Variants in NLGN1 observed in about 807,000 individuals in gnomAD.
NLGN1 encodes the protein neuroligin 1, also known as neuroligin-1.
NLGN1 carries 12 observed loss-of-function variants against 65.5 expected under a neutral mutation model. That is an observed-to-expected ratio of 0.18 (90% CI 0.12 to 0.30). NLGN1 has a LOEUF of 0.30. Ranked by LOEUF, NLGN1 falls within the 10% of genes least tolerant of loss-of-function variation. The pLI is 1.00. For missense variants in NLGN1, 750 were observed against 1,007.1 expected (o/e 0.74, Z 3.46); for synonymous variants, 350 against 359.5 (o/e 0.97, Z 0.30).
chr3:174,257,083 A>C (rs987167031), intron 4 of NLGN1, among the ~76,000 whole-genome samples: 1 of 152,200 alleles, frequency 6.6e-6, no homozygotes, highest in South Asian at 2.1e-4. Flanking sequence ...ACCTCATTAA[A>C]AAGTAGGCAA....
At chr3:174,054,020 T>C (rs980742695) in intron 4 of NLGN1, among the ~76,000 whole-genome samples, 4 of 151,980 alleles carry the variant, frequency 2.6e-5, no homozygotes, top group African/African-American at 9.7e-5. Context: ...ACTTAAGTAG[T>C]CTTGGAAAAA....
At chr3:173,665,087 G>C (rs1560128617) in intron 3 of NLGN1, among the ~76,000 whole-genome samples, 1 of 152,078 alleles carries the variant, frequency 6.6e-6, no homozygotes, top group Non-Finnish European at 1.5e-5. Flanking sequence ...GTCAAAAAAA[G>C]GTGGTTGATA....
rs748603259 is a variant in NLGN1, at chr3:174,275,544, C to T, written c.859+17C>T. The T allele has an allele frequency of 3.8e-6, 6 of 1,579,136 alleles. No individual in the cohort carries two copies. Among genetic ancestry groups the T allele is most frequent in the Non-Finnish European group, 5.2e-6 (6 of 1,150,466 alleles). Reference sequence around the variant, plus strand: ...CAACCAAAGGTATTATGCAAGGTTGCAAATTTTGACAATTTTGGTGTCTGC... The same window carrying T: ...CAACCAAAGGTATTATGCAAGGTTGTAAATTTTGACAATTTTGGTGTCTGC... On this transcript the variant is annotated intron_variant, in intron 5 of 6. Transcript: ENST00000457714.
intron 3 of NLGN1, among the ~76,000 whole-genome samples, chr3:173,671,294 G>A (rs369327482): frequency 1.3e-5 from 2 of 152,094 alleles, no homozygotes; most frequent in African/African-American, 2.4e-5. Context: ...GAGCCCAGGA[G>A]TTCGAGACCA....
chr3:173,621,846 T>C (rs1754041013), intron 3 of NLGN1, among the ~76,000 whole-genome samples: 1 of 152,072 alleles, frequency 6.6e-6, no homozygotes, highest in Admixed American at 6.6e-5. Flanking sequence ...TGAGGATAGA[T>C]TAGCTTGTGA....
chr3:174,127,353 T>C (rs997642861), intron 4 of NLGN1, among the ~76,000 whole-genome samples: 14 of 152,168 alleles, frequency 9.2e-5, no homozygotes, highest in African/African-American at 2.9e-4. Context: ...ATTTAAGCAT[T>C]GTAAGGACAT....
chr3:173,817,428 G>A (rs556212791), intron 4 of NLGN1, among the ~76,000 whole-genome samples: 2 of 152,338 alleles, frequency 1.3e-5, no homozygotes, highest in South Asian at 2.1e-4. Context: ...CTAATACCTC[G>A]TTAAAGTGAG....
intron 3 of NLGN1, among the ~76,000 whole-genome samples, chr3:173,649,204 AGAAAGAATATGAGTGGTTG>A (rs1758750923): frequency 6.6e-6 from 1 of 152,178 alleles, no homozygotes; most frequent in African/African-American, 2.4e-5. Context: ...CTATAGTAAC[AGAAAGAATATGAGTGGTTG>A]CTGGATGGGA....
chr3:173,521,865 A>G (rs1734812692), intron 2 of NLGN1, among the ~76,000 whole-genome samples: 3 of 152,192 alleles, frequency 2.0e-5, no homozygotes, highest in Admixed American at 1.3e-4. Flanking sequence ...TAAAATTTTA[A>G]ACATGTTTTA....
At chr3:173,612,604 C>T (rs886185265) in intron 3 of NLGN1, among the ~76,000 whole-genome samples, 6 of 152,066 alleles carry the variant, frequency 3.9e-5, no homozygotes. Flanking sequence ...TTCATGCGGT[C>T]TTCTTACACA....
At chr3:173,650,403 A>G (rs1411547909) in intron 3 of NLGN1, among the ~76,000 whole-genome samples, 1 of 152,168 alleles carries the variant, frequency 6.6e-6, no homozygotes. Context: ...CTAGAAAGGG[A>G]ACTGTTTCTG....
intron 3 of NLGN1, among the ~76,000 whole-genome samples, chr3:173,769,004 A>G (rs1255173124): frequency 6.6e-6 from 1 of 152,114 alleles, no homozygotes; most frequent in Non-Finnish European, 1.5e-5. Context: ...TCCTGGACTC[A>G]AGCGATCCAC....
intron 4 of NLGN1, among the ~76,000 whole-genome samples, chr3:174,190,391 G>A (rs997142970): frequency 1.3e-5 from 2 of 151,920 alleles, no homozygotes; most frequent in African/African-American, 4.8e-5. Context: ...TTTTGAAGGT[G>A]CCTGGAGAAG....
At chr3:173,423,655 T>G (rs1715547210) in intron 1 of NLGN1, among the ~76,000 whole-genome samples, 1 of 152,072 alleles carries the variant, frequency 6.6e-6, no homozygotes, top group Admixed American at 6.6e-5. Context: ...GGCACACTAA[T>G]GCAAGCAGTG....
chr3:173,652,413 G>A (rs1330897191), intron 3 of NLGN1, among the ~76,000 whole-genome samples: 1 of 152,144 alleles, frequency 6.6e-6, no homozygotes, highest in Non-Finnish European at 1.5e-5. Context: ...TTACATTTAA[G>A]TCTTTATTCC....
At chr3:173,669,767 A>C (rs777542678) in intron 3 of NLGN1, among the ~76,000 whole-genome samples, 2 of 152,156 alleles carry the variant, frequency 1.3e-5, no homozygotes, top group Non-Finnish European at 2.9e-5. Flanking sequence ...GTTATAATAC[A>C]AGTTTTTTAA....
chr3:174,038,430 G>A (rs1424823868), intron 4 of NLGN1, among the ~76,000 whole-genome samples: 1 of 152,134 alleles, frequency 6.6e-6, no homozygotes. Flanking sequence ...TTCTTGTGAT[G>A]TGGGACATGA....
intron 3 of NLGN1, among the ~76,000 whole-genome samples, chr3:173,606,226 C>T (rs368375233): frequency 7.2e-5 from 11 of 151,916 alleles, no homozygotes; most frequent in East Asian, 3.9e-4. Context: ...TTTATATTTA[C>T]GTTAAACAAT....
intron 4 of NLGN1, among the ~76,000 whole-genome samples, chr3:174,266,546 C>T (rs1748285519): frequency 6.6e-6 from 1 of 152,054 alleles, no homozygotes; most frequent in Non-Finnish European, 1.5e-5. Context: ...CATGGCAAAA[C>T]TATTTATATT....
Sources: gnomAD v4.1 joint callset for allele counts (sites outside exome capture counted in the v4.1 genomes callset) on GRCh38, gnomAD v4.1.1 for gene constraint, MANE v1.5 for transcripts, NCBI Gene and HGNC (gene_info 2026-07-23, HGNC 2026-07-21) for gene names.